The following NPHP4 variants were observed in gnomAD, a reference collection of about 807,000 sequenced individuals.
The protein encoded by NPHP4 is nephrocystin 4.
NPHP4 carries 151 observed loss-of-function variants against 155.8 expected under a neutral mutation model. That is an observed-to-expected ratio of 0.97 (90% confidence interval 0.85 to 1.11). NPHP4 has a LOEUF of 1.11. Among genes scored for constraint, NPHP4 ranks in the 50% least tolerant of loss-of-function variants. NPHP4 has a pLI of 0.00. For synonymous variants in NPHP4, 845 were observed against 816.8 expected (o/e 1.03, Z -0.59); for missense variants, 1,956 against 1,925.7 (o/e 1.02, Z -0.29).
intron 19 of NPHP4, among the ~76,000 whole-genome samples, chr1:5,879,822 CACACACACGCAAACACACACAG>C (rs369179262): frequency 0.12 from 17,658 of 145,482 alleles, 1,379 homozygotes; most frequent in Non-Finnish European, 0.16. Context: ...CGCAAACACA[CACACACACGCAAACACACACAG>C]ACACGCACAC....
rs1647215660 is a variant in NPHP4 at position 5,948,146 on chromosome 1, G to A, written c.916C>T (p.Leu306=). The change falls in exon 8 of 30, where the codon CTG becomes TTG. Residue 306 remains leucine, a synonymous_variant. Transcript: ENST00000378156. ...AAGGCCACATCCATCTCAGGCACCA[G>A]TACAACGACCTGCGGCCTCTGCACG... ...GFVQRPQVVV[L]VPEMDVALTR... is the part of the protein sequence containing the mutation. 3 of 1,613,740 alleles carry A rather than the reference G, an allele frequency of 1.9e-6. No individual in the cohort carries two copies. The highest frequency in any genetic ancestry group is 1.3e-5 in the African/African-American group (1 of 75,052).
chr1:5,889,549 C>T lies in NPHP4; in HGVS notation c.2304+1319G>A, dbSNP rs540464510. 3.8e-3 allele frequency among the ~76,000 whole-genome samples: 575 copies of T among 152,268 alleles called. 1 individual carries two copies. Among genetic ancestry groups the T allele is most frequent in the African/African-American group, 0.013 (526 of 41,542 alleles). ...AGGGGGCACAAGGCTCGGCTGGGCA[C>T]GACAGGGGAGCCACTGCCACCCCAC... On this transcript the variant is annotated intron_variant, in intron 17 of 29. Transcript: ENST00000378156. The surrounding 1 kb of genome is among the most constrained non-coding windows in gnomAD (Gnocchi z 4.2).
intron 16 of NPHP4, among the ~76,000 whole-genome samples, chr1:5,900,070 G>A (rs1484976902): frequency 6.6e-6 from 1 of 152,188 alleles, no homozygotes; most frequent in African/African-American, 2.4e-5. Flanking sequence ...ACCAAATGCT[G>A]GTGAGGATAT....
chr1:5,982,198 T>C (rs990606664), intron 2 of NPHP4, among the ~76,000 whole-genome samples: 3 of 152,238 alleles, frequency 2.0e-5, no homozygotes, highest in African/African-American at 7.2e-5. Context: ...CCTTTATTGA[T>C]TTCTGCTCAT....
intron 3 of NPHP4, among the ~76,000 whole-genome samples, chr1:5,974,538 A>C (rs992096885): frequency 6.6e-6 from 1 of 152,172 alleles, no homozygotes; most frequent in Non-Finnish European, 1.5e-5. Flanking sequence ...AGTTGAATGA[A>C]TGATTCGCTG....
chr1:5,923,380 A>G (rs1645841899), intron 11 of NPHP4, among the ~76,000 whole-genome samples: 2 of 152,256 alleles, frequency 1.3e-5, no homozygotes, highest in African/African-American at 2.4e-5. Context: ...GCTGGGAAAC[A>G]GAAGAGGGAA....
intron 20 of NPHP4, among the ~76,000 whole-genome samples, chr1:5,875,727 G>T (rs910661826): frequency 6.6e-6 from 1 of 152,228 alleles, no homozygotes; most frequent in Admixed American, 6.5e-5. Context: ...CCCACTAGAG[G>T]CTGCCTTGCA....
chr1:5,873,609 G>C lies in NPHP4; in HGVS notation c.3232-274C>G. 3 of 534,548 alleles carry C rather than the reference G, an allele frequency of 5.6e-6. No individual in the cohort carries two copies. In the South Asian group the frequency reaches 7.1e-5, roughly 13 times the overall value. The allele number at this position is 534,548 out of a possible 1,614,324, so 33.1% of individuals were successfully genotyped here. ...CTGCAGTCCTCACAGCCCATCCCAA[G>C]AGCCAGCATGGCATCCTGTGAGTGA... On this transcript the variant is annotated intron_variant, in intron 22 of 29. Coordinates refer to ENST00000378156, the MANE Select transcript of NPHP4 (RefSeq NM_015102.5).
chr1:5,962,033 T>C, intron 5 of NPHP4, 84 bp from the exon 6 acceptor site: 5 of 1,051,908 alleles, frequency 4.8e-6, no homozygotes, highest in South Asian at 1.6e-5. Context: ...CAGAGAATGT[T>C]AGAAACACCA....
chr1:5,920,389 C>T (rs1228272545), intron 11 of NPHP4, among the ~76,000 whole-genome samples: 2 of 152,180 alleles, frequency 1.3e-5, no homozygotes, highest in Non-Finnish European at 2.9e-5. Flanking sequence ...CCATCAAAGA[C>T]TCTGGGGTCC....
intron 6 of NPHP4, among the ~76,000 whole-genome samples, chr1:5,960,542 CA>C (rs1458795963): frequency 6.6e-6 from 1 of 152,088 alleles, no homozygotes; most frequent in African/African-American, 2.4e-5. Flanking sequence ...CCCTCACACA[CA>C]AGGTCAAATC....
intron 11 of NPHP4, among the ~76,000 whole-genome samples, chr1:5,919,369 A>G (rs1570437701): frequency 6.6e-6 from 1 of 152,202 alleles, no homozygotes; most frequent in African/African-American, 2.4e-5. Context: ...GGGTGTTCCC[A>G]CAGTGCCCTG....
chr1:5,967,060 C>T (rs1403904401), intron 5 of NPHP4, among the ~76,000 whole-genome samples: 1 of 152,222 alleles, frequency 6.6e-6, no homozygotes, highest in Non-Finnish European at 1.5e-5. Flanking sequence ...GTGGCTCTCA[C>T]AGGCGCTCCC....
chr1:5,983,159 A>G (rs1473710816), intron 2 of NPHP4, among the ~76,000 whole-genome samples: 1 of 152,202 alleles, frequency 6.6e-6, no homozygotes, highest in Non-Finnish European at 1.5e-5. Context: ...TGTTTTTTCA[A>G]TAATTGAGAG....
intron 2 of NPHP4, among the ~76,000 whole-genome samples, chr1:5,984,358 C>A (rs1300141547): frequency 1.3e-5 from 2 of 151,978 alleles, no homozygotes; most frequent in African/African-American, 4.8e-5. Flanking sequence ...CATGGTGAAA[C>A]CCCGACTCTA....
intron 3 of NPHP4, among the ~76,000 whole-genome samples, chr1:5,975,083 T>C (rs1653293506): frequency 6.6e-6 from 1 of 152,122 alleles, no homozygotes; most frequent in Non-Finnish European, 1.5e-5. Flanking sequence ...ACAGAGCAAT[T>C]AGCAGACAGG....
chr1:5,899,816 A>G (rs985046385), intron 16 of NPHP4, among the ~76,000 whole-genome samples: 4 of 152,226 alleles, frequency 2.6e-5, no homozygotes, highest in African/African-American at 4.8e-5. Context: ...GAATAAAAAG[A>G]CAAGCCATAG....
rs774686372 is a variant in NPHP4 at position 5,905,245 on chromosome 1, C to A, written c.1955+47G>T. On this transcript the variant is annotated intron_variant, in intron 15 of 29. Transcript: ENST00000378156. The surrounding 1 kb of genome is among the most constrained non-coding windows in gnomAD (Gnocchi z 4.0). ...ACCTCAGCGAAGTTTCTCTTCAACA[C>A]AGGAAATGTGAAAGCCAGATGAGTA... The A allele has an allele frequency of 1.8e-5, 27 of 1,494,118 alleles. No homozygotes were observed. The highest frequency in any genetic ancestry group is 2.8e-5 in the African/African-American group (2 of 72,694). 92.6% of individuals were successfully genotyped at this position (1,494,118 alleles called of 1,614,324 possible).
intron 1 of NPHP4, among the ~76,000 whole-genome samples, chr1:5,987,164 T>C (rs1004021349): frequency 2.0e-5 from 3 of 152,102 alleles, no homozygotes; most frequent in Non-Finnish European, 2.9e-5. Context: ...TTTCAGGTGT[T>C]ACCAGCTTCT....
Sources: allele counts gnomAD v4.1 joint callset (sites outside exome capture counted in the v4.1 genomes callset), GRCh38; gene constraint gnomAD v4.1.1; non-coding constraint Gnocchi (gnomAD v3.1); transcripts MANE v1.5; gene names NCBI Gene and HGNC (gene_info 2026-07-23, HGNC 2026-07-21).